The following ZRANB3 variants were observed in gnomAD, a reference collection of about 807,000 sequenced individuals.
The protein encoded by ZRANB3 is DNA annealing helicase and endonuclease ZRANB3.
In ZRANB3, 125 loss-of-function variants were observed where a neutral mutation model predicts 133.8. The observed-to-expected ratio is 0.93, with a 90% CI of 0.81 to 1.08. The LOEUF is 1.08. Among genes scored for constraint, ZRANB3 ranks in the 50% least tolerant of loss-of-function variants. The pLI is 0.00. For synonymous variants in ZRANB3, 387 were observed against 432.7 expected (o/e 0.89, Z 1.31); for missense variants, 1,229 against 1,275.5 (o/e 0.96, Z 0.56).
At chr2:135,343,453 G>T (rs1314993163) in intron 6 of ZRANB3, among the ~76,000 whole-genome samples, 12 of 149,230 alleles carry the variant, frequency 8.0e-5, no homozygotes, top group Non-Finnish European at 7.4e-5. Flanking sequence ...TTCATTTTTT[G>T]TGCTATCTTG....
chr2:135,216,772 C>A (rs1168318768), intron 17 of ZRANB3, among the ~76,000 whole-genome samples: 5 of 152,192 alleles, frequency 3.3e-5, no homozygotes, highest in Non-Finnish European at 5.9e-5. Flanking sequence ...GATTGGGCTA[C>A]AAAACAGCTG....
intron 8 of ZRANB3, among the ~76,000 whole-genome samples, chr2:135,291,186 C>CT (rs199499131): frequency 0.058 from 8,465 of 146,712 alleles, 457 homozygotes; most frequent in African/African-American, 0.15. Context: ...ATTCTTAATT[C>CT]TTTTTTTTTT....
intron 2 of ZRANB3, among the ~76,000 whole-genome samples, chr2:135,412,908 AT>A (rs1202288064): frequency 6.6e-6 from 1 of 152,160 alleles, no homozygotes; most frequent in African/African-American, 2.4e-5. Flanking sequence ...TTAAAAATTC[AT>A]TAGGTTTTTG....
At chr2:135,376,237 T>TAGCCTCGAGCTATGAGAGTAAAA (rs1409264455) in intron 3 of ZRANB3, among the ~76,000 whole-genome samples, 2 of 152,212 alleles carry the variant, frequency 1.3e-5, no homozygotes, top group Non-Finnish European at 2.9e-5. Flanking sequence ...TTCAGACTTC[T>TAGCCTCGAGCTATGAGAGTAAAA]AGCCTCGAGC....
At chr2:135,512,002 G>A (rs1559047448) in intron 1 of ZRANB3, 1 of 658,348 alleles carries the variant, frequency 1.5e-6, no homozygotes, top group Admixed American at 2.1e-5. Flanking sequence ...CTGTGCGGCT[G>A]AGCTGGAGAG....
intron 2 of ZRANB3, among the ~76,000 whole-genome samples, chr2:135,500,756 T>C (rs1309050107): frequency 1.4e-5 from 1 of 73,674 alleles, no homozygotes; most frequent in East Asian, 3.3e-4. Flanking sequence ...TACATATCAG[T>C]AAAAAAAAAA....
chr2:135,324,923 G>A (rs986367120), intron 6 of ZRANB3, among the ~76,000 whole-genome samples: 1 of 151,930 alleles, frequency 6.6e-6, no homozygotes, highest in Non-Finnish European at 1.5e-5. Flanking sequence ...TTGTTGATGG[G>A]GTTGTTTTTT....
intron 12 of ZRANB3, among the ~76,000 whole-genome samples, chr2:135,260,838 A>G (rs1048768151): frequency 3.4e-5 from 5 of 145,334 alleles, no homozygotes; most frequent in African/African-American, 1.3e-4. Context: ...TTCTATATAT[A>G]TACTATATAT....
chr2:135,430,225 A>C (rs1039639717), intron 2 of ZRANB3, among the ~76,000 whole-genome samples: 1 of 152,116 alleles, frequency 6.6e-6, no homozygotes, highest in Non-Finnish European at 1.5e-5. Flanking sequence ...GTACAAGTTA[A>C]ATAAATGCAA....
intron 19 of ZRANB3, among the ~76,000 whole-genome samples, chr2:135,206,936 G>A (rs547538798): frequency 3.9e-5 from 6 of 152,006 alleles, no homozygotes; most frequent in Non-Finnish European, 7.4e-5. Context: ...AGGCTGAGGC[G>A]GGTGGATCAC....
At chr2:135,362,797 C>T (rs1406558150) in intron 3 of ZRANB3, among the ~76,000 whole-genome samples, 2 of 152,070 alleles carry the variant, frequency 1.3e-5, no homozygotes, top group Non-Finnish European at 2.9e-5. Flanking sequence ...CTTGAGCAAA[C>T]GTGTTTTAAG....
chr2:135,328,145 C>A (rs568187777), intron 6 of ZRANB3, among the ~76,000 whole-genome samples: 6 of 151,848 alleles, frequency 4.0e-5, no homozygotes, highest in African/African-American at 1.5e-4. Context: ...TTACATGTGC[C>A]ACGTTGGTTT....
intron 12 of ZRANB3, among the ~76,000 whole-genome samples, chr2:135,237,411 T>C (rs1695342296): frequency 6.6e-6 from 1 of 152,048 alleles, no homozygotes; most frequent in Admixed American, 6.5e-5. Context: ...GAACTAGAAA[T>C]ACTATTTGAC....
intron 3 of ZRANB3, among the ~76,000 whole-genome samples, chr2:135,355,679 G>A (rs1685402625): frequency 6.6e-6 from 1 of 152,004 alleles, no homozygotes; most frequent in South Asian, 2.1e-4. Flanking sequence ...TCTTTACCTG[G>A]CTAGAGTTAT....
chr2:135,219,630 A>G (rs1488284479), intron 15 of ZRANB3, among the ~76,000 whole-genome samples: 1 of 152,236 alleles, frequency 6.6e-6, no homozygotes, highest in Non-Finnish European at 1.5e-5. Context: ...CACATCAAAG[A>G]ATGGTATCAA....
chr2:135,456,654 C>G (rs909580337), intron 2 of ZRANB3, among the ~76,000 whole-genome samples: 3 of 152,054 alleles, frequency 2.0e-5, no homozygotes, highest in Non-Finnish European at 4.4e-5. Flanking sequence ...GTGATCTTTC[C>G]AAAGGAACCA....
chr2:135,510,615 G>A (rs1693409148), intron 1 of ZRANB3: 2 of 761,336 alleles, frequency 2.6e-6, no homozygotes, highest in South Asian at 1.5e-5. Context: ...CATGAGGAGG[G>A]CCTCTCATTC....
chr2:135,264,263 G>A (rs1680110865), intron 12 of ZRANB3, among the ~76,000 whole-genome samples: 1 of 151,448 alleles, frequency 6.6e-6, no homozygotes, highest in African/African-American at 2.4e-5. Context: ...ACAAGGTCAG[G>A]AGTTCGAGAC....
chr2:135,492,389 G>A (rs1692429188), intron 2 of ZRANB3, among the ~76,000 whole-genome samples: 1 of 151,982 alleles, frequency 6.6e-6, no homozygotes, highest in South Asian at 2.1e-4. Context: ...ATAGTTGTTG[G>A]GATACTAATT....
Sources: gnomAD v4.1 joint callset for allele counts (sites outside exome capture counted in the v4.1 genomes callset) on GRCh38, gnomAD v4.1.1 for gene constraint, MANE v1.5 for transcripts, NCBI Gene and HGNC (gene_info 2026-07-23, HGNC 2026-07-21) for gene names.